ENPP2: variants seen among roughly 807,000 people sequenced by gnomAD.
The protein encoded by ENPP2 is ectonucleotide pyrophosphatase/phosphodiesterase 2.
A neutral mutation model predicts 120.2 loss-of-function variants in ENPP2; 51 were observed. The observed-to-expected ratio is 0.42, with a 90% CI of 0.34 to 0.54. The LOEUF (loss-of-function observed/expected upper bound fraction) is 0.54, where lower values mean the gene tolerates loss of function less well. ENPP2 is among the 20% of genes least tolerant of loss of function. ENPP2 has a pLI of 0.04. For synonymous variants in ENPP2, 365 were observed against 366.4 expected (o/e 1.00, Z 0.04); for missense variants, 920 against 1,066.5 (o/e 0.86, Z 1.91).
At chr8:119,618,762 T>TGCAG (rs1815662665) in intron 5 of ENPP2, among the ~76,000 whole-genome samples, 1 of 151,934 alleles carries the variant, frequency 6.6e-6, no homozygotes, top group African/African-American at 2.4e-5. Context: ...CTCAAACTCC[T>TGCAG]GACCTCAAAT....
At chr8:119,654,727 T>C (rs1356732083) in intron 1 of ENPP2, among the ~76,000 whole-genome samples, 1 of 152,064 alleles carries the variant, frequency 6.6e-6, no homozygotes, top group East Asian at 1.9e-4. Flanking sequence ...GAAATAGTTA[T>C]AAAAAATGAA....
intron 1 of ENPP2, among the ~76,000 whole-genome samples, chr8:119,672,098 G>A (rs1179775191): frequency 6.6e-6 from 1 of 152,148 alleles, no homozygotes; most frequent in East Asian, 1.9e-4. Flanking sequence ...GAGGGCGGAC[G>A]CCAGGTGACT....
intron 13 of ENPP2, among the ~76,000 whole-genome samples, chr8:119,589,250 C>T (rs1294749273): frequency 2.0e-5 from 3 of 152,162 alleles, no homozygotes; most frequent in Non-Finnish European, 1.5e-5. Flanking sequence ...AGGTACAGGG[C>T]GTCACATGGT....
At chr8:119,582,690 G>A in intron 17 of ENPP2, 88 bp from the exon 18 acceptor site, 3 of 946,116 alleles carry the variant, frequency 3.2e-6, no homozygotes, top group Non-Finnish European at 4.9e-6. Context: ...CCTTCTATGG[G>A]TCTGAAAACT....
intron 12 of ENPP2, chr8:119,593,085 C>A: frequency 4.6e-6 from 1 of 216,154 alleles, no homozygotes; most frequent in Non-Finnish European, 7.9e-6. Flanking sequence ...AGCCCCCACC[C>A]CCTGCACAGC....
chr8:119,611,832 A>T (rs1250965858), intron 8 of ENPP2, among the ~76,000 whole-genome samples: 1 of 152,064 alleles, frequency 6.6e-6, no homozygotes. Flanking sequence ...TCAAGACCAG[A>T]CTGGTTGACA....
intron 13 of ENPP2, 48 bp downstream of exon 13, chr8:119,590,457 C>A (rs1481990231): frequency 8.3e-6 from 12 of 1,452,318 alleles, no homozygotes; most frequent in South Asian, 1.4e-5. Context: ...CTTACCTATT[C>A]CTTTGTATTA....
chr8:119,560,654 T>C (rs1813855960), intron 24 of ENPP2, among the ~76,000 whole-genome samples: 1 of 152,192 alleles, frequency 6.6e-6, no homozygotes, highest in African/African-American at 2.4e-5. Flanking sequence ...ACGTTGCTCT[T>C]CCAACTAAAC....
intron 1 of ENPP2, among the ~76,000 whole-genome samples, chr8:119,660,635 C>A (rs1379652450): frequency 6.6e-6 from 1 of 152,158 alleles, no homozygotes; most frequent in Non-Finnish European, 1.5e-5. Flanking sequence ...AGACCTTTCT[C>A]AAGTTTCAGT....
intron 11 of ENPP2, among the ~76,000 whole-genome samples, chr8:119,595,609 G>GGGTTA (rs990088268): frequency 3.0e-4 from 45 of 152,204 alleles, no homozygotes; most frequent in African/African-American, 1.1e-3. Context: ...ACTAGTTTTA[G>GGGTTA]GGCAACTAAC....
intron 1 of ENPP2, among the ~76,000 whole-genome samples, chr8:119,660,558 T>C (rs1179547337): frequency 3.3e-5 from 5 of 152,208 alleles, no homozygotes; most frequent in Admixed American, 6.5e-5. Context: ...CCAGCCCCTC[T>C]TGGGTCAGCT....
chr8:119,620,611 A>G (rs932690913), intron 4 of ENPP2, among the ~76,000 whole-genome samples: 3 of 152,248 alleles, frequency 2.0e-5, no homozygotes, highest in African/African-American at 7.2e-5. Flanking sequence ...ATAGATAAAG[A>G]TTCTTGGATC....
chr8:119,639,540 G>A (rs1032420463), upstream of ENPP2, among the ~76,000 whole-genome samples: 3 of 152,100 alleles, frequency 2.0e-5, no homozygotes, highest in Non-Finnish European at 4.4e-5. Flanking sequence ...TGCCCTGGGA[G>A]GACGGACAAA....
At chr8:119,642,430 C>A (rs951459657), upstream of ENPP2, among the ~76,000 whole-genome samples, 1 of 151,862 alleles carries the variant, frequency 6.6e-6, no homozygotes, top group Non-Finnish European at 1.5e-5. Flanking sequence ...AATATGCTAA[C>A]GATGGTTGAC....
chr8:119,563,511 A>G (rs1814141495), intron 23 of ENPP2, among the ~76,000 whole-genome samples: 1 of 152,220 alleles, frequency 6.6e-6, no homozygotes, highest in Admixed American at 6.5e-5. Context: ...CATTAGAGCC[A>G]GGAGAATAAT....
chr8:119,673,237 A>G (rs761758287), intron 1 of ENPP2: 1 of 1,532,014 alleles, frequency 6.5e-7, no homozygotes, highest in South Asian at 1.2e-5. Context: ...GGGTAGAGAG[A>G]GGCGCATACC....
intron 9 of ENPP2, among the ~76,000 whole-genome samples, chr8:119,602,981 C>T (rs546967773): frequency 6.6e-5 from 10 of 152,260 alleles, no homozygotes; most frequent in Admixed American, 3.9e-4. Context: ...TGTCATTCCC[C>T]AGGCACCCTC....
chr8:119,600,567 C>T, intron 11 of ENPP2, 111 bp downstream of exon 11: 2 of 682,198 alleles, frequency 2.9e-6, no homozygotes, highest in Non-Finnish European at 5.0e-6. Flanking sequence ...TTTGCATAAA[C>T]CTTGTAGATA....
chr8:119,630,471 T>C (rs919509326), intron 2 of ENPP2, among the ~76,000 whole-genome samples: 1 of 152,210 alleles, frequency 6.6e-6, no homozygotes, highest in African/African-American at 2.4e-5. Flanking sequence ...CTTTCTTCAC[T>C]CATTCACCTG....
Sources: gnomAD v4.1 joint callset for allele counts (sites outside exome capture counted in the v4.1 genomes callset) on GRCh38, gnomAD v4.1.1 for gene constraint, MANE v1.5 for transcripts, NCBI Gene and HGNC (gene_info 2026-07-23, HGNC 2026-07-21) for gene names.